The following LIN7A variants were observed in gnomAD, a reference collection of about 807,000 sequenced individuals.
LIN7A encodes protein lin-7 homolog A.
A neutral mutation model predicts 29.8 loss-of-function variants in LIN7A; 25 were observed. The observed-to-expected ratio is 0.84, with a 90% confidence interval of 0.61 to 1.17. The LOEUF (loss-of-function observed/expected upper bound fraction) is 1.17. LIN7A is among the 50% of genes most tolerant of loss of function. LIN7A has a pLI of 0.00. For missense variants in LIN7A, 239 were observed against 287.0 expected, an observed-to-expected ratio of 0.83 and a Z score of 1.21; for synonymous variants, 118 against 107.5, an observed-to-expected ratio of 1.10 and a Z score of -0.60.
intron 3 of LIN7A, among the ~76,000 whole-genome samples, chr12:80,846,666 T>C (rs2121549007): frequency 6.6e-6 from 1 of 152,306 alleles, no homozygotes; most frequent in Non-Finnish European, 1.5e-5. Context: ...TCAATTATTA[T>C]AACAAAATAG....
chr12:80,854,238 A>T (rs1278040596), intron 2 of LIN7A, among the ~76,000 whole-genome samples: 1 of 152,128 alleles, frequency 6.6e-6, no homozygotes, highest in Non-Finnish European at 1.5e-5. Flanking sequence ...TGAATGAATA[A>T]TTAACTGGTG....
At chr12:80,935,874 C>T (rs1373132582) in intron 1 of LIN7A, 1 of 433,758 alleles carries the variant, frequency 2.3e-6, no homozygotes, top group African/African-American at 2.0e-5. Context: ...AGCACCTCCT[C>T]TCATCAACCG....
intron 1 of LIN7A, among the ~76,000 whole-genome samples, chr12:80,908,246 T>G (rs1274063330): frequency 6.6e-6 from 1 of 152,114 alleles, no homozygotes; most frequent in Non-Finnish European, 1.5e-5. Flanking sequence ...GTCTTAAAAA[T>G]AGATTGCTAT....
At chr12:80,883,108 CCTT>C (rs1375915091) in intron 2 of LIN7A, among the ~76,000 whole-genome samples, 7 of 151,560 alleles carry the variant, frequency 4.6e-5, no homozygotes, top group African/African-American at 1.2e-4. Flanking sequence ...TCTTCTTTTT[CCTT>C]CTTCTGTTTT....
chr12:80,867,439 G>A (rs1053742250), intron 2 of LIN7A, among the ~76,000 whole-genome samples: 1 of 152,186 alleles, frequency 6.6e-6, no homozygotes, highest in Non-Finnish European at 1.5e-5. Context: ...CCCTGAGTCA[G>A]ACAGGGGCTA....
chr12:80,843,209 T>C (rs1225465788), intron 4 of LIN7A, among the ~76,000 whole-genome samples: 1 of 152,182 alleles, frequency 6.6e-6, no homozygotes, highest in Admixed American at 6.5e-5. Flanking sequence ...TCCTCACCTT[T>C]GCATGAAGAG....
intron 2 of LIN7A, among the ~76,000 whole-genome samples, chr12:80,856,795 T>G (rs1424845067): frequency 6.6e-6 from 1 of 152,198 alleles, no homozygotes; most frequent in Non-Finnish European, 1.5e-5. Flanking sequence ...AAGATGTATC[T>G]GACAACCAAG....
intron 1 of LIN7A, among the ~76,000 whole-genome samples, chr12:80,892,492 C>T (rs1411326701): frequency 6.6e-6 from 1 of 152,064 alleles, no homozygotes; most frequent in Non-Finnish European, 1.5e-5. Context: ...GAATTAGAGA[C>T]TACACTGGGT....
At position 80,920,057 on chromosome 12, in the gene LIN7A, T is replaced by C. The variant is rs141329749; in HGVS notation, c.82+17584A>G. Among the ~76,000 whole-genome samples, 946 of 152,330 alleles carry C rather than the reference T, an allele frequency of 6.2e-3. 10 individuals carry two copies. Among genetic ancestry groups the C allele is most frequent in the Middle Eastern group, 0.014 (4 of 294 alleles). ...AATACAACTTCTCTTTTTATTTTTC[T>C]TCAATGCTTTATAAGCAGAGGTTGA... On this transcript the variant is annotated intron_variant, in intron 1 of 5. Transcript: ENST00000552864.
chr12:80,898,772 G>A (rs758254324), intron 1 of LIN7A, among the ~76,000 whole-genome samples: 3 of 152,030 alleles, frequency 2.0e-5, no homozygotes, highest in Non-Finnish European at 2.9e-5. Context: ...CATTCTTGAT[G>A]TGGCTCTCAG....
chr12:80,874,627 G>C (rs1027938811), intron 2 of LIN7A, among the ~76,000 whole-genome samples: 1 of 152,136 alleles, frequency 6.6e-6, no homozygotes, highest in Non-Finnish European at 1.5e-5. Flanking sequence ...ATATGAATAG[G>C]TATTGTGGAG....
At chr12:80,877,058 G>A (rs957219329) in intron 2 of LIN7A, among the ~76,000 whole-genome samples, 7 of 144,630 alleles carry the variant, frequency 4.8e-5, no homozygotes, top group African/African-American at 1.7e-4. Flanking sequence ...GGAGGCAGAG[G>A]TTGCAGTGAG....
intron 1 of LIN7A, among the ~76,000 whole-genome samples, chr12:80,933,548 T>C (rs1026004482): frequency 2.0e-5 from 3 of 152,218 alleles, no homozygotes; most frequent in African/African-American, 7.2e-5. Flanking sequence ...TTTATTTTCT[T>C]CAGAGCACTT....
At chr12:80,862,772 A>T (rs893250441) in intron 2 of LIN7A, among the ~76,000 whole-genome samples, 8 of 152,234 alleles carry the variant, frequency 5.3e-5, no homozygotes, top group African/African-American at 1.9e-4. Flanking sequence ...CCACTTCATT[A>T]CAAGTTGTTG....
chr12:80,925,330 A>G (rs1218150667), intron 1 of LIN7A, among the ~76,000 whole-genome samples: 2 of 152,194 alleles, frequency 1.3e-5, no homozygotes, highest in African/African-American at 2.4e-5. Flanking sequence ...GGCAATTTTT[A>G]TTTGAACATC....
At chr12:80,906,967 A>T (rs976072406) in intron 1 of LIN7A, among the ~76,000 whole-genome samples, 10 of 151,862 alleles carry the variant, frequency 6.6e-5, no homozygotes, top group Non-Finnish European at 1.5e-4. Context: ...GCATTTGCAA[A>T]TTGTGTCTTT....
In LIN7A at chr12:80,875,860, T is replaced by C. The variant is rs1336982447; in HGVS notation, c.201+13391A>G. On this transcript the variant is annotated intron_variant, in intron 2 of 5. Transcript: ENST00000552864. Reference sequence around the variant, plus strand: ...AAATCTTTAATTAACTTTAATAAGATAGATAGAGATCCACAAATTATAGAT... The same window carrying C: ...AAATCTTTAATTAACTTTAATAAGACAGATAGAGATCCACAAATTATAGAT... Among the ~76,000 whole-genome samples, 7 of 152,080 alleles carry C rather than the reference T, an allele frequency of 4.6e-5. No individual in the cohort carries two copies. The South Asian group carries it at 1.0e-3, about 22-fold the overall frequency.
intron 2 of LIN7A, among the ~76,000 whole-genome samples, chr12:80,886,912 T>C (rs1875357189): frequency 1.3e-5 from 2 of 152,118 alleles, no homozygotes; most frequent in South Asian, 4.1e-4. Flanking sequence ...TTTGAACAGA[T>C]ATCCATAACA....
At chr12:80,894,106 G>A (rs1875762490) in intron 1 of LIN7A, among the ~76,000 whole-genome samples, 1 of 152,178 alleles carries the variant, frequency 6.6e-6, no homozygotes, top group South Asian at 2.1e-4. Flanking sequence ...AGAAGGCTTC[G>A]AGTCAGCAAC....
Sources: allele counts gnomAD v4.1 joint callset (sites outside exome capture counted in the v4.1 genomes callset), GRCh38; gene constraint gnomAD v4.1.1; transcripts MANE v1.5; gene names NCBI Gene and HGNC (gene_info 2026-07-23, HGNC 2026-07-21).